Variants in ZNF626 observed in about 807,000 individuals in gnomAD.
ZNF626 encodes zinc finger protein 626.
In ZNF626, 4 loss-of-function variants were observed where a neutral mutation model predicts 11.7. The ratio of observed to expected loss-of-function variants is 0.34; its 90% confidence interval spans 0.17 to 0.78. The LOEUF (loss-of-function observed/expected upper bound fraction) is 0.78, where lower values mean the gene tolerates loss of function less well. Ranked by LOEUF, ZNF626 falls within the 30% of genes least tolerant of loss-of-function variation. The probability of loss-of-function intolerance (pLI) is 0.57; values close to 1 mark genes in which losing one functional copy is unlikely to be tolerated. For missense variants in ZNF626, 588 were observed against 587.1 expected (o/e 1.00, Z -0.01); for synonymous variants, 179 against 198.6 (o/e 0.90, Z 0.83).
At chr19:20,653,659 GA>G (rs1970172819) in intron 1 of ZNF626, among the ~76,000 whole-genome samples, 3 of 64,836 alleles carry the variant, frequency 4.6e-5, no homozygotes, top group African/African-American at 3.7e-4. Flanking sequence ...AAAAGAAAAA[GA>G]AAAAAAGAAA....
intron 3 of ZNF626, among the ~76,000 whole-genome samples, chr19:20,626,520 C>T (rs1359720003): frequency 1.3e-5 from 2 of 152,142 alleles, no homozygotes; most frequent in African/African-American, 2.4e-5. Context: ...GAATTTGAGA[C>T]CAGCCTGGCC....
At position 20,657,005 on chromosome 19, in the gene ZNF626, T is replaced by C. The variant is rs995423594; in HGVS notation, c.3+4439A>G. 5.3e-5 allele frequency among the ~76,000 whole-genome samples: 8 copies of C among 152,330 alleles called. No homozygotes were observed. The South Asian group carries it at 1.0e-3, about 20-fold the overall frequency. ...AAAGACATATTCACATGCATGTTCATTGCAGCACTATTCACAATAGCAAAG... is the reference window on the plus strand; with the variant it reads ...AAAGACATATTCACATGCATGTTCACTGCAGCACTATTCACAATAGCAAAG... On this transcript the variant is annotated intron_variant, in intron 1 of 3. Coordinates refer to ENST00000601440, the MANE Select transcript of ZNF626 (RefSeq NM_001076675.3).
chr19:20,627,212 A>C (rs1969846475), intron 3 of ZNF626, among the ~76,000 whole-genome samples: 1 of 152,160 alleles, frequency 6.6e-6, no homozygotes, highest in Non-Finnish European at 1.5e-5. Flanking sequence ...AAGCTGAAGA[A>C]ACAAACTAGG....
chr19:20,648,043 G>T (rs897583767), intron 1 of ZNF626, among the ~76,000 whole-genome samples: 34 of 151,680 alleles, frequency 2.2e-4, no homozygotes, highest in Admixed American at 2.2e-3. Flanking sequence ...GCCGGGTGTT[G>T]TGGCAAGCAC....
rs1462423867 is a variant in ZNF626, at chr19:20,625,399, A to T, written c.478T>A (p.Ser160Thr). ...YVKVLHQFPN[S>T]NGQKRGHTGK... ...GTATGTCCTCTCTTTTGTCCGTTTG[A>T]ATTTGGAAATTGATGAAGGACTTTC... is the stretch of plus-strand genomic sequence containing the variant. The change falls in exon 4 of 4, where the codon TCA (serine) becomes ACA (threonine). Residue 160 changes from serine to threonine, a missense_variant. Ser to Thr is a moderately conservative substitution (Grantham distance 58). This residue lies in a region of ZNF626 where 524 missense variants were observed against 470.1 expected (regional missense o/e 1.11). Transcript: ENST00000601440. The T allele has an allele frequency of 2.5e-6, 4 of 1,613,942 alleles. No individual in the cohort carries two copies. In the African/African-American group the frequency reaches 5.3e-5, roughly 22 times the overall value.
At chr19:20,643,591 G>T (rs782034827) in intron 3 of ZNF626, among the ~76,000 whole-genome samples, 2 of 151,896 alleles carry the variant, frequency 1.3e-5, no homozygotes, top group Non-Finnish European at 2.9e-5. Flanking sequence ...AAAGAAAAAA[G>T]GTATAAGGAG....
At chr19:20,655,327 A>G (rs570078416) in intron 1 of ZNF626, among the ~76,000 whole-genome samples, 1 of 152,208 alleles carries the variant, frequency 6.6e-6, no homozygotes, top group Non-Finnish European at 1.5e-5. Context: ...TCTGTCAAAG[A>G]AACTGAGTAT....
intron 1 of ZNF626, among the ~76,000 whole-genome samples, chr19:20,650,254 A>AAAAC (rs71174725): frequency 6.6e-6 from 1 of 151,936 alleles, no homozygotes; most frequent in East Asian, 1.9e-4. Flanking sequence ...GTTAAAAAAA[A>AAAAC]AAACCATAAA....
chr19:20,659,592 T>C (rs1407554761), intron 1 of ZNF626, among the ~76,000 whole-genome samples: 1 of 151,992 alleles, frequency 6.6e-6, no homozygotes, highest in Non-Finnish European at 1.5e-5. Context: ...TCCCTCAGGC[T>C]AGTGAGGGAT....
At chr19:20,626,402 T>A (rs781807749) in intron 3 of ZNF626, among the ~76,000 whole-genome samples, 1 of 152,196 alleles carries the variant, frequency 6.6e-6, no homozygotes, top group Non-Finnish European at 1.5e-5. Context: ...AAAATGTATA[T>A]GAGGTAATTT....
intron 3 of ZNF626, among the ~76,000 whole-genome samples, chr19:20,635,572 C>T (rs982023835): frequency 6.6e-6 from 1 of 152,150 alleles, no homozygotes; most frequent in South Asian, 2.1e-4. Context: ...CCACCCACCT[C>T]GGCCTTTGAA....
At chr19:20,637,239 A>G (rs1969976390) in intron 3 of ZNF626, among the ~76,000 whole-genome samples, 1 of 152,178 alleles carries the variant, frequency 6.6e-6, no homozygotes, top group Admixed American at 6.5e-5. Context: ...CTGTAAGCCC[A>G]GTGCTTTGGA....
chr19:20,628,665 G>A (rs1233532034), intron 3 of ZNF626, among the ~76,000 whole-genome samples: 2 of 152,146 alleles, frequency 1.3e-5, no homozygotes, highest in Non-Finnish European at 2.9e-5. Context: ...TGAGTTCATT[G>A]TAGATTCTGG....
intron 3 of ZNF626, among the ~76,000 whole-genome samples, chr19:20,643,593 TATAAGGAGAGTG>T (rs1555771658): frequency 6.6e-6 from 1 of 152,104 alleles, no homozygotes; most frequent in East Asian, 1.9e-4. Context: ...AGAAAAAAGG[TATAAGGAGAGTG>T]ACATCAGTAA....
chr19:20,624,990 C>G lies in ZNF626; in HGVS notation c.887G>C (p.Arg296Pro). Residue 296 changes from arginine to proline, a missense_variant, in exon 4 of 4, where the codon CGG (arginine) becomes CCG (proline). By Grantham distance (103) the Arg-to-Pro change is moderately radical. Coordinates refer to ENST00000601440, the MANE Select transcript of ZNF626 (RefSeq NM_001076675.3). ...CTTATGTGTAGTAAGGGTTGAGGAC[C>G]GGTTGAAGGCTTTGCCACATTCTTC... The part of the protein sequence containing the change: ...KCEECGKAFN[R>P]SSTLTTHKII... 1 of 1,583,286 alleles carries G rather than the reference C, an allele frequency of 6.3e-7. No homozygotes were observed. Among genetic ancestry groups the G allele is most frequent in the Middle Eastern group, 1.7e-4 (1 of 5,880 alleles).
rs1555769344 is a variant in ZNF626, at chr19:20,625,020, T to C, written c.857A>G (p.Lys286Arg). 1.2e-6 allele frequency: 2 copies of C among 1,613,892 alleles called. No homozygotes were observed. The highest frequency in any genetic ancestry group is 1.7e-5 in the Admixed American group (1 of 60,014). ...EIIHTEKKPY[K>R]CEECGKAFNR... ...GAAGGCTTTGCCACATTCTTCACATTTGTAGGGTTTCTTTTCCGTATGAAT... is the reference window on the plus strand; with the variant it reads ...GAAGGCTTTGCCACATTCTTCACATCTGTAGGGTTTCTTTTCCGTATGAAT... Residue 286 changes from lysine (K) to arginine (R), a missense_variant, in exon 4 of 4, where the codon AAA (lysine) becomes AGA (arginine). Lys to Arg is a conservative substitution (Grantham distance 26). Transcript: ENST00000601440.
intron 3 of ZNF626, among the ~76,000 whole-genome samples, chr19:20,632,659 C>T (rs1444572419): frequency 6.6e-6 from 1 of 152,192 alleles, no homozygotes; most frequent in Non-Finnish European, 1.5e-5. Context: ...AAGAACTTCT[C>T]TGCATTGGTT....
At chr19:20,626,327 A>G (rs1429936860) in intron 3 of ZNF626, among the ~76,000 whole-genome samples, 2 of 152,234 alleles carry the variant, frequency 1.3e-5, no homozygotes, top group Non-Finnish European at 2.9e-5. Flanking sequence ...AAAGATTACA[A>G]TAAATACAAA....
intron 3 of ZNF626, among the ~76,000 whole-genome samples, chr19:20,626,305 T>C (rs552118660): frequency 6.6e-6 from 1 of 152,298 alleles, no homozygotes; most frequent in South Asian, 2.1e-4. Flanking sequence ...ATTTTGTTAA[T>C]GTAAAAATCT....
Sources: gnomAD v4.1 joint callset for allele counts (sites outside exome capture counted in the v4.1 genomes callset) on GRCh38, gnomAD v4.1.1 for gene constraint, gnomAD v4.1.1 regional missense constraint, MANE v1.5 for transcripts, NCBI Gene and HGNC (gene_info 2026-07-23, HGNC 2026-07-21) for gene names.